The following KCNAB1 variants were observed in gnomAD, a reference collection of about 807,000 sequenced individuals.
KCNAB1 encodes potassium voltage-gated channel subfamily A regulatory beta subunit 1, also known as voltage-gated potassium channel subunit beta-1.
KCNAB1 carries 35 observed loss-of-function variants against 64.6 expected under a neutral mutation model. The observed-to-expected ratio is 0.54, with a 90% CI of 0.41 to 0.72. The LOEUF (loss-of-function observed/expected upper bound fraction) is 0.72. KCNAB1 is among the 30% of genes least tolerant of loss of function. The pLI is 0.00. For synonymous variants in KCNAB1, 177 were observed against 183.8 expected (o/e 0.96, Z 0.30); for missense variants, 401 against 512.9 (o/e 0.78, Z 2.11).
rs1712230844 is a variant in KCNAB1 at position 156,454,356 on chromosome 3, T to G, written c.357+1420T>G. Among the ~76,000 whole-genome samples the G allele has an allele frequency of 2.0e-5, 3 of 152,190 alleles. No individual in the cohort carries two copies. In the South Asian group the frequency reaches 6.2e-4, roughly 32 times the overall value. On this transcript the variant is annotated intron_variant, in intron 3 of 13. Coordinates refer to ENST00000490337, the MANE Select transcript of KCNAB1 (RefSeq NM_172160.3). ...ATGGTTCTGCAGAGTTGTCTCAGTT[T>G]GGGACAACATAAAGGACTGGGCCTT...
At chr3:156,370,787 G>A (rs960396446) in intron 1 of KCNAB1, among the ~76,000 whole-genome samples, 9 of 152,230 alleles carry the variant, frequency 5.9e-5, no homozygotes, top group African/African-American at 1.2e-4. Context: ...CAAAGGAGAC[G>A]TGGGGTTTTA....
intron 1 of KCNAB1, among the ~76,000 whole-genome samples, chr3:156,231,023 T>C (rs761320062): frequency 2.6e-5 from 4 of 152,178 alleles, no homozygotes; most frequent in Non-Finnish European, 4.4e-5. Flanking sequence ...TGTTGATGAT[T>C]TGGGGTATGA....
At chr3:156,387,305 GA>G (rs1285821799) in intron 1 of KCNAB1, among the ~76,000 whole-genome samples, 1 of 152,112 alleles carries the variant, frequency 6.6e-6, no homozygotes, top group African/African-American at 2.4e-5. Context: ...TAACCTTAGG[GA>G]ATGAGTACAG....
intron 1 of KCNAB1, among the ~76,000 whole-genome samples, chr3:156,192,890 A>G (rs1713646620): frequency 6.6e-6 from 1 of 152,062 alleles, no homozygotes; most frequent in Admixed American, 6.5e-5. Flanking sequence ...TAGCTAAAGT[A>G]GCTCTCTTGT....
intron 13 of KCNAB1, 145 bp downstream of exon 13, chr3:156,531,642 A>G: frequency 1.5e-6 from 1 of 685,154 alleles, no homozygotes; most frequent in East Asian, 2.6e-5. Context: ...TTCCCAGTAC[A>G]TGGATCCAGG....
At chr3:156,313,410 T>A (rs148367552) in intron 1 of KCNAB1, among the ~76,000 whole-genome samples, 15 of 152,306 alleles carry the variant, frequency 9.8e-5, no homozygotes, top group African/African-American at 3.6e-4. Flanking sequence ...GACGGGAGAT[T>A]ATCCTGGATT....
intron 1 of KCNAB1, among the ~76,000 whole-genome samples, chr3:156,289,235 C>T (rs1720257510): frequency 1.3e-5 from 2 of 152,364 alleles, no homozygotes; most frequent in Middle Eastern, 3.4e-3. Context: ...CAGCACTCCA[C>T]CTCATCTCTG....
At chr3:156,137,712 ATT>A (rs66960245) in intron 1 of KCNAB1, among the ~76,000 whole-genome samples, 3 of 141,046 alleles carry the variant, frequency 2.1e-5, no homozygotes, top group Admixed American at 7.1e-5. Flanking sequence ...CGTCTGGCTA[ATT>A]TTTTTTTTTT....
intron 1 of KCNAB1, among the ~76,000 whole-genome samples, chr3:156,381,897 T>C (rs1712187039): frequency 1.3e-5 from 2 of 152,188 alleles, no homozygotes; most frequent in East Asian, 3.8e-4. Context: ...ATGCTTAACA[T>C]TTCATTATAT....
chr3:156,390,533 T>TTTCCTTCCTTCCTTCCTTCCTTCCTTCC (rs149026130), intron 1 of KCNAB1, among the ~76,000 whole-genome samples: 1 of 150,830 alleles, frequency 6.6e-6, no homozygotes, highest in African/African-American at 2.5e-5. Context: ...TTGTGGTTGG[T>TTTCCTTCCTTCCTTCCTTCCTTCCTTCC]TTCCTTCCTT....
At chr3:156,448,353 G>A (rs776095731) in intron 2 of KCNAB1, among the ~76,000 whole-genome samples, 16 of 152,208 alleles carry the variant, frequency 1.1e-4, no homozygotes, top group Non-Finnish European at 2.1e-4. Flanking sequence ...AACTGTCACA[G>A]AGGGTTTTTG....
intron 1 of KCNAB1, among the ~76,000 whole-genome samples, chr3:156,408,782 T>TA (rs1348308004): frequency 0.016 from 2,184 of 140,748 alleles, 30 homozygotes; most frequent in African/African-American, 0.043. Flanking sequence ...TCCATCTCCA[T>TA]AAAAAAAAAA....
chr3:156,372,912 G>A (rs186286684), intron 1 of KCNAB1, among the ~76,000 whole-genome samples: 14 of 152,292 alleles, frequency 9.2e-5, no homozygotes, highest in Admixed American at 9.2e-4. Flanking sequence ...CCTCTCTCAG[G>A]TCCTCTCTGT....
chr3:156,517,704 G>T (rs1223483910), intron 11 of KCNAB1, among the ~76,000 whole-genome samples: 1 of 152,212 alleles, frequency 6.6e-6, no homozygotes, highest in Non-Finnish European at 1.5e-5. Flanking sequence ...ATGGATACAG[G>T]TGACTTTTAG....
chr3:156,226,808 C>T (rs974554670), intron 1 of KCNAB1, among the ~76,000 whole-genome samples: 1 of 152,170 alleles, frequency 6.6e-6, no homozygotes, highest in African/African-American at 2.4e-5. Flanking sequence ...CAGCCAAGCC[C>T]AGCACTCCTC....
intron 1 of KCNAB1, among the ~76,000 whole-genome samples, chr3:156,375,473 T>G (rs964417903): frequency 3.0e-5 from 4 of 135,338 alleles, no homozygotes; most frequent in Non-Finnish European, 6.2e-5. Context: ...CTGCTCATTT[T>G]CTAGTGACAC....
chr3:156,207,900 T>C (rs1379348653), intron 1 of KCNAB1, among the ~76,000 whole-genome samples: 1 of 152,290 alleles, frequency 6.6e-6, no homozygotes, highest in East Asian at 1.9e-4. Flanking sequence ...AGGTTAAAAC[T>C]GGTACTAACA....
chr3:156,177,383 C>A (rs1712452700), intron 1 of KCNAB1, among the ~76,000 whole-genome samples: 1 of 151,962 alleles, frequency 6.6e-6, no homozygotes, highest in South Asian at 2.1e-4. Context: ...TTCTTTATTT[C>A]TTTATTTATT....
chr3:156,516,232 A>G, intron 10 of KCNAB1, 38 bp from the exon 11 acceptor site: 2 of 1,522,086 alleles, frequency 1.3e-6, no homozygotes, highest in Admixed American at 1.7e-5. Flanking sequence ...TTTGATCCCA[A>G]TTTGCACAAG....
Sources: gnomAD v4.1 joint callset for allele counts (sites outside exome capture counted in the v4.1 genomes callset) on GRCh38, gnomAD v4.1.1 for gene constraint, MANE v1.5 for transcripts, NCBI Gene and HGNC (gene_info 2026-07-23, HGNC 2026-07-21) for gene names.